THOC5: variants seen among roughly 807,000 people sequenced by gnomAD.
The protein encoded by THOC5 is Fms-interacting protein.
A neutral mutation model predicts 92.9 loss-of-function variants in THOC5; 43 were observed. That is an observed-to-expected ratio of 0.46 (90% CI 0.36 to 0.60). The LOEUF is 0.60. Among genes scored for constraint, THOC5 ranks in the 20% least tolerant of loss-of-function variants. The pLI, the probability that THOC5 is intolerant of heterozygous loss-of-function variation, is 0.00. For missense variants in THOC5, 659 were observed against 849.4 expected (o/e 0.78, Z 2.79); for synonymous variants, 296 against 320.1 (o/e 0.92, Z 0.80).
At chr22:29,535,601 G>A (rs1430426079) in intron 7 of THOC5, among the ~76,000 whole-genome samples, 2 of 152,060 alleles carry the variant, frequency 1.3e-5, no homozygotes, top group African/African-American at 4.8e-5. Context: ...AAATATCAGT[G>A]GTTTGATTCC....
intron 2 of THOC5, 102 bp downstream of exon 2, chr22:29,548,950 T>C: frequency 9.2e-7 from 1 of 1,082,788 alleles, no homozygotes; most frequent in Non-Finnish European, 1.3e-6. Context: ...ACCAAAAAGT[T>C]GTACCTGGTA....
At chr22:29,514,687 C>A (rs181118890) in intron 17 of THOC5, among the ~76,000 whole-genome samples, 1 of 150,892 alleles carries the variant, frequency 6.6e-6, no homozygotes, top group East Asian at 2.0e-4. Flanking sequence ...TTTCACAATG[C>A]ACTCAAATGA....
At chr22:29,530,436 C>A (rs532715248) in intron 8 of THOC5, among the ~76,000 whole-genome samples, 2 of 151,820 alleles carry the variant, frequency 1.3e-5, no homozygotes, top group African/African-American at 4.8e-5. Context: ...GGGAGAATTG[C>A]TTGAACCTGG....
At chr22:29,526,489 G>A (rs967542132) in intron 11 of THOC5, among the ~76,000 whole-genome samples, 3 of 151,770 alleles carry the variant, frequency 2.0e-5, no homozygotes, top group Non-Finnish European at 2.9e-5. Flanking sequence ...CAGAGATCAC[G>A]CCACTGCACT....
At chr22:29,512,640 G>A (rs982852922) in intron 17 of THOC5, among the ~76,000 whole-genome samples, 1 of 152,066 alleles carries the variant, frequency 6.6e-6, no homozygotes, top group Non-Finnish European at 1.5e-5. Context: ...TGTATCCCAG[G>A]CACTGTGCTA....
At chr22:29,516,644 T>C (rs1188812521) in intron 17 of THOC5, among the ~76,000 whole-genome samples, 1 of 152,222 alleles carries the variant, frequency 6.6e-6, no homozygotes, top group Non-Finnish European at 1.5e-5. Context: ...CCTGTGGCCC[T>C]GCCCTTTACA....
At chr22:29,553,631 GC>G (rs2064230371) in intron 1 of THOC5, 39 bp downstream of exon 1, 1 of 151,890 alleles carries the variant, frequency 6.6e-6, no homozygotes, top group Non-Finnish European at 1.5e-5. Flanking sequence ...GCCCAGCCCC[GC>G]CCCATCTCCC....
chr22:29,536,968 C>T (rs1175954991), intron 6 of THOC5, among the ~76,000 whole-genome samples: 4 of 152,216 alleles, frequency 2.6e-5, no homozygotes, highest in Non-Finnish European at 5.9e-5. Flanking sequence ...AAGGAGGAAA[C>T]CAAGGCTCAG....
intron 11 of THOC5, among the ~76,000 whole-genome samples, chr22:29,526,558 T>A (rs1380922236): frequency 2.0e-5 from 3 of 151,278 alleles, no homozygotes; most frequent in African/African-American, 7.3e-5. Flanking sequence ...ACAACAGTAA[T>A]ATAATGAACA....
At chr22:29,509,288 A>AG (rs1405044173) in intron 19 of THOC5, among the ~76,000 whole-genome samples, 7 of 149,610 alleles carry the variant, frequency 4.7e-5, no homozygotes, top group South Asian at 2.1e-4. Flanking sequence ...AAAAAAAAAA[A>AG]AAAAGAAAAA....
At chr22:29,522,250 C>G (rs1190213331) in intron 12 of THOC5, among the ~76,000 whole-genome samples, 1 of 151,034 alleles carries the variant, frequency 6.6e-6, no homozygotes, top group African/African-American at 2.4e-5. Flanking sequence ...GTCCCAGCTA[C>G]TTGGGAGGCT....
intron 1 of THOC5, among the ~76,000 whole-genome samples, chr22:29,552,562 T>A (rs1185097614): frequency 1.4e-5 from 2 of 148,084 alleles, no homozygotes; most frequent in East Asian, 4.1e-4. Flanking sequence ...AGCCGCCCCG[T>A]CCGGGGGGGA....
At chr22:29,517,191 G>T (rs1436834144) in intron 16 of THOC5, 72 bp downstream of exon 16, 1 of 1,605,748 alleles carries the variant, frequency 6.2e-7, no homozygotes, top group South Asian at 1.1e-5. Context: ...CAGTGAGGTG[G>T]CAGGAGCTGA....
At chr22:29,523,984 C>T (rs902737232) in intron 12 of THOC5, among the ~76,000 whole-genome samples, 5 of 152,230 alleles carry the variant, frequency 3.3e-5, no homozygotes, top group Non-Finnish European at 7.3e-5. Context: ...CCCAGAGTCT[C>T]GGGCTTTAGG....
chr22:29,544,235 T>G (rs1474544589), intron 3 of THOC5, among the ~76,000 whole-genome samples: 1 of 152,142 alleles, frequency 6.6e-6, no homozygotes, highest in Admixed American at 6.5e-5. Flanking sequence ...ATGATCAAAT[T>G]AGTAGGGAAA....
chr22:29,519,085 G>T lies in THOC5; in HGVS notation c.1410C>A (p.Ser470Arg), dbSNP rs2053511970. Reference protein sequence around the residue: ...TVIADHSLSASHMETTMKLLK... With the variant: ...TVIADHSLSARHMETTMKLLK... ...GAAGTTTCATGGTGGTCTCCATGTG[G>T]CTGGCGCTCAGCGAGTGGTCAGCAA... Residue 470 changes from serine to arginine, a missense_variant, in exon 15 of 20, where the codon AGC becomes AGA. Physicochemically the swap from Ser to Arg is moderately radical, Grantham distance 110 (BLOSUM62 -1). Coordinates refer to ENST00000490103, the MANE Select transcript of THOC5 (RefSeq NM_003678.5). The T allele has an allele frequency of 3.1e-6, 5 of 1,611,518 alleles. No homozygotes were observed. Among genetic ancestry groups the T allele is most frequent in the Non-Finnish European group, 4.2e-6 (5 of 1,178,898 alleles).
intron 5 of THOC5, 96 bp downstream of exon 5, chr22:29,542,763 C>CA (rs370064947): frequency 0.086 from 53,587 of 619,746 alleles, 125 homozygotes; most frequent in African/African-American, 0.1. Flanking sequence ...GACTCCGTCT[C>CA]AAAAAAAAAA....
intron 3 of THOC5, 139 bp from the exon 4 acceptor site, chr22:29,543,681 G>A (rs2063950592): frequency 3.6e-6 from 2 of 556,374 alleles, no homozygotes; most frequent in South Asian, 2.6e-5. Context: ...GGGTCATGAA[G>A]AAAATAAGAG....
At chr22:29,536,956 C>T (rs2063772458) in intron 6 of THOC5, among the ~76,000 whole-genome samples, 1 of 152,186 alleles carries the variant, frequency 6.6e-6, no homozygotes, top group South Asian at 2.1e-4. Flanking sequence ...TGCTTATCCC[C>T]AAAGGAGGAA....
Sources: gnomAD v4.1 joint callset for allele counts (sites outside exome capture counted in the v4.1 genomes callset) on GRCh38, gnomAD v4.1.1 for gene constraint, MANE v1.5 for transcripts, NCBI Gene and HGNC (gene_info 2026-07-23, HGNC 2026-07-21) for gene names.